Variants in KIF9 observed in about 807,000 individuals in gnomAD.
KIF9 encodes kinesin-like protein KIF9.
A neutral mutation model predicts 94.8 loss-of-function variants in KIF9; 68 were observed. The observed-to-expected ratio is 0.72, with a 90% CI of 0.59 to 0.88. The LOEUF (loss-of-function observed/expected upper bound fraction) is 0.88. Among genes scored for constraint, KIF9 ranks in the 40% least tolerant of loss-of-function variants. The pLI is 0.00. For synonymous variants in KIF9, 343 were observed against 362.1 expected, an observed-to-expected ratio of 0.95 and a Z score of 0.60; for missense variants, 882 against 982.5, an observed-to-expected ratio of 0.90 and a Z score of 1.37.
At chr3:47,271,073 G>C (rs1319400428) in intron 5 of KIF9, among the ~76,000 whole-genome samples, 164 bp downstream of exon 5, 2 of 151,886 alleles carry the variant, frequency 1.3e-5, no homozygotes, top group Non-Finnish European at 2.9e-5. Context: ...GAGCCCAGGA[G>C]GTCGAGGCTG....
intron 9 of KIF9, chr3:47,263,846 G>C (rs1466639234): frequency 2.2e-6 from 1 of 456,888 alleles, no homozygotes; most frequent in South Asian, 1.5e-5. Context: ...GGTGCACATG[G>C]CAGGTGCTTA....
chr3:47,255,391 G>A (rs530491659), intron 10 of KIF9, among the ~76,000 whole-genome samples: 1 of 152,224 alleles, frequency 6.6e-6, no homozygotes, highest in Admixed American at 6.5e-5. Context: ...CCTCTGATTG[G>A]CCAGCTGTTT....
intron 1 of KIF9, among the ~76,000 whole-genome samples, chr3:47,281,395 T>C (rs768938077): frequency 1.3e-5 from 2 of 152,194 alleles, no homozygotes; most frequent in Admixed American, 6.5e-5. Flanking sequence ...TCACCTAGGC[T>C]GGAGTGCAGT....
intron 9 of KIF9, among the ~76,000 whole-genome samples, chr3:47,261,951 T>G (rs2107400854): frequency 6.6e-6 from 1 of 152,322 alleles, no homozygotes; most frequent in South Asian, 2.1e-4. Flanking sequence ...GAGAATAGTT[T>G]TAAAGTTTCA....
At chr3:47,268,201 G>T (rs1701411359) in intron 5 of KIF9, among the ~76,000 whole-genome samples, 1 of 152,060 alleles carries the variant, frequency 6.6e-6, no homozygotes, top group South Asian at 2.1e-4. Flanking sequence ...GGGACAGTAG[G>T]CCCTTACCTC....
chr3:47,256,315 G>A (rs1276646127), intron 10 of KIF9, among the ~76,000 whole-genome samples: 1 of 151,344 alleles, frequency 6.6e-6, no homozygotes, highest in Non-Finnish European at 1.5e-5. Context: ...AGGAAGTGAG[G>A]AGCATCTCTG....
intron 9 of KIF9, among the ~76,000 whole-genome samples, chr3:47,260,586 G>T (rs779643114): frequency 6.6e-6 from 1 of 152,142 alleles, no homozygotes; most frequent in Non-Finnish European, 1.5e-5. Flanking sequence ...TAGAAGTGTG[G>T]TTGCTCATTT....
chr3:47,238,824 G>A (rs1699248863), intron 17 of KIF9, among the ~76,000 whole-genome samples: 1 of 152,106 alleles, frequency 6.6e-6, no homozygotes, highest in Non-Finnish European at 1.5e-5. Flanking sequence ...ACCTACGCCC[G>A]GATAATTTTT....
In KIF9 at chr3:47,277,312, A is replaced by G. The variant is rs770429486; in HGVS notation, c.63T>C (p.His21=). The G allele has an allele frequency of 9.3e-6, 15 of 1,613,952 alleles. No homozygotes were observed. Among genetic ancestry groups the G allele is most frequent in the Non-Finnish European group, 1.2e-5 (14 of 1,179,956 alleles). The change falls in exon 2 of 21, where the codon CAT becomes CAC. Residue 21 remains histidine, a synonymous_variant. Transcript: ENST00000684063. ...VRVKPTDDFA[H]EMIRYGDDKR... The stretch of plus-strand genomic sequence containing the variant: ...TGTCATCTCCGTATCTGATCATTTC[A>G]TGAGCAAAGTCATCGGTGGGTTTGA...
intron 9 of KIF9, among the ~76,000 whole-genome samples, chr3:47,259,582 A>G (rs1231695108): frequency 6.6e-6 from 1 of 151,896 alleles, no homozygotes; most frequent in Non-Finnish European, 1.5e-5. Flanking sequence ...CTGTGTAGAA[A>G]GAAGTAGACA....
At chr3:47,281,654 C>G (rs1702366295) in intron 1 of KIF9, among the ~76,000 whole-genome samples, 1 of 152,178 alleles carries the variant, frequency 6.6e-6, no homozygotes, top group Non-Finnish European at 1.5e-5. Flanking sequence ...GGCCCCCTCC[C>G]TTTCTCCCTC....
Position 47,264,368 on chromosome 3 carries a change from C to T in KIF9, c.917-18G>A, listed in dbSNP as rs1484119100. 5 of 1,607,460 alleles carry T rather than the reference C, an allele frequency of 3.1e-6. No homozygotes were observed. Among genetic ancestry groups the T allele is most frequent in the South Asian group, 1.1e-5 (1 of 90,964 alleles). ...GTTTCCCCCTGCGGAAAGCAAGACA[C>T]AGAAGGGCTATGAACCATGTGTTTT... On this transcript the variant is annotated intron_variant, in intron 8 of 20. Transcript: ENST00000684063.
chr3:47,235,988 G>T, intron 19 of KIF9, 46 bp downstream of exon 19: 2 of 1,378,660 alleles, frequency 1.5e-6, no homozygotes, highest in Non-Finnish European at 2.1e-6. Flanking sequence ...ACTGCCCATT[G>T]CCCCATGTTC....
At chr3:47,243,488 G>A in intron 15 of KIF9, 1 of 357,596 alleles carries the variant, frequency 2.8e-6, no homozygotes, top group Non-Finnish European at 5.1e-6. Context: ...CTTGGCAGGA[G>A]ACGCTTGGGA....
intron 10 of KIF9, among the ~76,000 whole-genome samples, chr3:47,254,815 G>A (rs577485876): frequency 2.6e-4 from 39 of 151,982 alleles, no homozygotes; most frequent in South Asian, 2.1e-4. Context: ...GATAGAAGCC[G>A]ACCTTAAGAT....
chr3:47,269,625 G>A (rs1053980196), intron 5 of KIF9, among the ~76,000 whole-genome samples: 6 of 151,154 alleles, frequency 4.0e-5, no homozygotes, highest in East Asian at 2.0e-4. Flanking sequence ...TTTTTGAGAT[G>A]GAGTCTTACT....
chr3:47,263,995 A>T, intron 9 of KIF9: 1 of 525,804 alleles, frequency 1.9e-6, no homozygotes, highest in South Asian at 1.5e-5. Flanking sequence ...GCACCCCAGG[A>T]AACATGGTCC....
intron 12 of KIF9, among the ~76,000 whole-genome samples, chr3:47,246,952 C>T (rs1699963582): frequency 6.6e-6 from 1 of 152,164 alleles, no homozygotes; most frequent in South Asian, 2.1e-4. Context: ...TTGGCCCACT[C>T]CAACATGGGC....
At chr3:47,271,146 AAAAAG>A in intron 5 of KIF9, 86 bp downstream of exon 5, 2 of 177,478 alleles carry the variant, frequency 1.1e-5, no homozygotes, top group Non-Finnish European at 2.1e-5. Context: ...CCTGTCTCAA[AAAAAG>A]AAAAAGAAAA....
Sources: gnomAD v4.1 joint callset for allele counts (sites outside exome capture counted in the v4.1 genomes callset) on GRCh38, gnomAD v4.1.1 for gene constraint, MANE v1.5 for transcripts, NCBI Gene and HGNC (gene_info 2026-07-23, HGNC 2026-07-21) for gene names.